The following SEC63 variants were observed in gnomAD, a reference collection of about 807,000 sequenced individuals.
SEC63 encodes the protein SEC63 protein translocation regulator, also known as translocation protein SEC63 homolog.
A neutral mutation model predicts 116.2 loss-of-function variants in SEC63; 56 were observed. The ratio of observed to expected loss-of-function variants is 0.48; its 90% CI spans 0.39 to 0.60. The LOEUF is 0.60. Among genes scored for constraint, SEC63 ranks in the 20% least tolerant of loss-of-function variants. SEC63 has a pLI of 0.00. For synonymous variants in SEC63, 273 were observed against 294.6 expected, an observed-to-expected ratio of 0.93 and a Z score of 0.75; for missense variants, 668 against 900.0, an observed-to-expected ratio of 0.74 and a Z score of 3.30.
chr6:107,934,718 T>TG (rs376962280), intron 1 of SEC63, among the ~76,000 whole-genome samples: 1 of 8,684 alleles, frequency 1.2e-4, no homozygotes, highest in East Asian at 1.6e-3. Context: ...GGCAGGGAGG[T>TG]GGGGGGGGTC....
chr6:107,884,114 C>CAAAA (rs71551321), intron 16 of SEC63, among the ~76,000 whole-genome samples: 121 of 150,800 alleles, frequency 8.0e-4, no homozygotes, highest in South Asian at 7.2e-3. Flanking sequence ...AACAAACAAA[C>CAAAA]AAAAAAATAG....
intron 13 of SEC63, among the ~76,000 whole-genome samples, 174 bp from the exon 14 acceptor site, chr6:107,897,905 T>C (rs1786899967): frequency 6.6e-6 from 1 of 152,214 alleles, no homozygotes; most frequent in South Asian, 2.1e-4. Flanking sequence ...GGCTCTCCAG[T>C]AGATGCTTTT....
At position 107,883,080 on chromosome 6, in the gene SEC63, TTTC is replaced by T. The variant is rs760594741; in HGVS notation, c.1738_1740del (p.Glu580del). On this transcript the variant is annotated inframe_deletion, in exon 17 of 21. Transcript: ENST00000369002. ...TTCTCACTTTGGGAATCTCTATTGG[TTTC>T]TTCTTCTTCAGAATCACTGCCCTTA... 1.6e-5 allele frequency: 26 copies of T among 1,613,138 alleles called. No homozygotes were observed. The highest frequency in any genetic ancestry group is 1.5e-4 in the South Asian group (14 of 91,074).
chr6:107,881,356 G>A (rs1294026704), intron 17 of SEC63, 106 bp from the exon 18 acceptor site: 4 of 760,822 alleles, frequency 5.3e-6, no homozygotes, highest in Non-Finnish European at 6.8e-6. Flanking sequence ...CTTAGGATTA[G>A]AACAAGTTCA....
intron 1 of SEC63, among the ~76,000 whole-genome samples, chr6:107,940,760 A>G (rs942885143): frequency 1.4e-5 from 2 of 147,440 alleles, no homozygotes; most frequent in Admixed American, 1.4e-4. Context: ...AAACGCAACA[A>G]TTGTCTTTTC....
intron 3 of SEC63, among the ~76,000 whole-genome samples, chr6:107,924,170 A>G (rs565209729): frequency 1.3e-5 from 2 of 151,234 alleles, no homozygotes; most frequent in South Asian, 4.3e-4. Context: ...AGGCTGAGGC[A>G]GGAGAATGGC....
intron 1 of SEC63, among the ~76,000 whole-genome samples, chr6:107,939,542 A>G (rs2114504116): frequency 6.6e-6 from 1 of 152,298 alleles, no homozygotes; most frequent in African/African-American, 2.4e-5. Context: ...GCGTGAGGTC[A>G]GGAGTTCAAG....
At chr6:107,896,377 A>G (rs750856453) in intron 14 of SEC63, among the ~76,000 whole-genome samples, 8 of 151,992 alleles carry the variant, frequency 5.3e-5, no homozygotes, top group Non-Finnish European at 1.2e-4. Flanking sequence ...GAGGCAGAAG[A>G]ATCACTTGAA....
intron 20 of SEC63, among the ~76,000 whole-genome samples, chr6:107,872,289 G>A (rs746976908): frequency 4.6e-5 from 7 of 152,000 alleles, no homozygotes; most frequent in Non-Finnish European, 1.5e-5. Flanking sequence ...AAAGAGGTTC[G>A]CATTTACTGG....
chr6:107,901,748 T>A (rs1057161628), intron 12 of SEC63, among the ~76,000 whole-genome samples: 2 of 152,076 alleles, frequency 1.3e-5, no homozygotes, highest in African/African-American at 4.8e-5. Flanking sequence ...CTTATTTTTT[T>A]AAATTAGAAA....
At chr6:107,914,882 T>C (rs1359162546) in intron 4 of SEC63, among the ~76,000 whole-genome samples, 2 of 152,156 alleles carry the variant, frequency 1.3e-5, no homozygotes, top group Admixed American at 6.5e-5. Flanking sequence ...AAATAAAGCA[T>C]AGCTCACATC....
chr6:107,945,187 A>T (rs2114511799), intron 1 of SEC63, among the ~76,000 whole-genome samples: 1 of 160 alleles, frequency 6.3e-3, no homozygotes, highest in East Asian at 0.018. Flanking sequence ...CAACAGAGCG[A>T]GACTCCGTCT....
intron 1 of SEC63, among the ~76,000 whole-genome samples, chr6:107,947,623 A>G (rs1770503148): frequency 6.6e-6 from 1 of 152,184 alleles, no homozygotes; most frequent in African/African-American, 2.4e-5. Flanking sequence ...CCCCAAACTG[A>G]TCATTGGGCC....
chr6:107,872,041 T>C (rs574638870), intron 20 of SEC63, among the ~76,000 whole-genome samples, 194 bp from the exon 21 acceptor site: 1 of 152,254 alleles, frequency 6.6e-6, no homozygotes, highest in Non-Finnish European at 1.5e-5. Flanking sequence ...TTTAACAATA[T>C]GTAAATGTAG....
At chr6:107,881,550 CT>C (rs1786415074) in intron 17 of SEC63, among the ~76,000 whole-genome samples, 1 of 152,120 alleles carries the variant, frequency 6.6e-6, no homozygotes, top group African/African-American at 2.4e-5. Context: ...ACTACCTACA[CT>C]TCTCTGAACT....
rs1787331208 is a variant in SEC63 at position 107,913,443 on chromosome 6, C to T, written c.453-16G>A. 6.2e-7 allele frequency: 1 copy of T among 1,606,088 alleles called. No homozygotes were observed. The highest frequency in any genetic ancestry group is 8.5e-7 in the Non-Finnish European group (1 of 1,172,990). ...ATCCGTTAAACTAGCATCAAAAGAA[C>T]AAAGTTGCAAAATTAGAAAGCCACA... On this transcript the variant is annotated splice_polypyrimidine_tract_variant and intron_variant, in intron 4 of 20. Transcript: ENST00000369002.
In SEC63 at chr6:107,903,004, A is replaced by G. The variant is rs769293894; in HGVS notation, c.1055-6T>C. The G allele has an allele frequency of 2.7e-5, 44 of 1,613,906 alleles. No individual in the cohort carries two copies. The highest frequency in any genetic ancestry group is 3.4e-5 in the Non-Finnish European group (40 of 1,179,960). On this transcript the variant is annotated splice_region_variant and splice_polypyrimidine_tract_variant and intron_variant, in intron 11 of 20. Transcript: ENST00000369002. ...TGGAGCACGAAACTCCCTTTCTTAG[A>G]AAGAACAGGAAAAAAAGAAACAGGG...
rs1402497390 is a variant in SEC63 at position 107,868,683 on chromosome 6, AAAG to A, written c.*3018_*3020del. 2 of 152,276 alleles carry A rather than the reference AAAG, an allele frequency of 1.3e-5. No homozygotes were observed. The highest frequency in any genetic ancestry group is 3.9e-4 in the East Asian group (2 of 5,180). The allele number at this position is 152,276 out of a possible 1,614,324, so 9.4% of individuals were successfully genotyped here. On this transcript the variant is annotated 3_prime_UTR_variant, in exon 21 of 21. Transcript: ENST00000369002. ...TACAGTAGATAGACTAAAAAAAAAA[AAAG>A]GCATTCCAAATAATAGCCAAGGCAA... is the stretch of plus-strand genomic sequence containing the variant.
rs757404600 is a variant in SEC63, at chr6:107,893,880, C to T, written c.1458G>A (p.Glu486=). The T allele has an allele frequency of 2.5e-5, 40 of 1,614,002 alleles. No individual in the cohort carries two copies. The highest frequency in any genetic ancestry group is 3.3e-5 in the Non-Finnish European group (39 of 1,180,012). Residue 486 remains glutamate (E), a synonymous_variant, in exon 15 of 21, where the codon GAG becomes GAA. Coordinates refer to ENST00000369002, the MANE Select transcript of SEC63 (RefSeq NM_007214.5). ...GTTCCTCTGCAGCACAGATGGACTGCTCCTTTTCAAATACTTCCTGGGGGG... is the reference window on the plus strand; with the variant it reads ...GTTCCTCTGCAGCACAGATGGACTGTTCCTTTTCAAATACTTCCTGGGGGG... ...RQTMAEVFEK[E]QSICAAEEQP...
Sources: allele counts gnomAD v4.1 joint callset (sites outside exome capture counted in the v4.1 genomes callset), GRCh38; gene constraint gnomAD v4.1.1; transcripts MANE v1.5; gene names NCBI Gene and HGNC (gene_info 2026-07-23, HGNC 2026-07-21).